Variants in SHISAL1 observed in about 807,000 individuals in gnomAD.
SHISAL1 encodes the protein shisa like 1.
In SHISAL1, 9 loss-of-function variants were observed where a neutral mutation model predicts 22.6. That is an observed-to-expected ratio of 0.40 (90% CI 0.24 to 0.70). The LOEUF (loss-of-function observed/expected upper bound fraction) is 0.70, where lower values mean the gene tolerates loss of function less well. Ranked by LOEUF, SHISAL1 falls within the 30% of genes least tolerant of loss-of-function variation. The probability of loss-of-function intolerance (pLI) is 0.39; values close to 1 mark genes in which losing one functional copy is unlikely to be tolerated. For synonymous variants in SHISAL1, 119 were observed against 115.4 expected, an observed-to-expected ratio of 1.03 and a Z score of -0.20; for missense variants, 246 against 270.6, an observed-to-expected ratio of 0.91 and a Z score of 0.64.
intron 4 of SHISAL1, among the ~76,000 whole-genome samples, chr22:44,279,912 C>T (rs1188752458): frequency 6.6e-6 from 1 of 152,264 alleles, no homozygotes; most frequent in Admixed American, 6.5e-5. Context: ...GCAAACCCAA[C>T]AAGACCCAGG....
intron 4 of SHISAL1, among the ~76,000 whole-genome samples, chr22:44,271,924 G>C (rs773582617): frequency 6.6e-6 from 1 of 152,250 alleles, no homozygotes. Flanking sequence ...GGCCTTTGTG[G>C]AAGTGTCCTT....
At chr22:44,309,963 C>T (rs2055506513) in intron 1 of SHISAL1, among the ~76,000 whole-genome samples, 1 of 152,214 alleles carries the variant, frequency 6.6e-6, no homozygotes, top group African/African-American at 2.4e-5. Context: ...CAGGAGAGAA[C>T]TAGGACATCT....
chr22:44,316,956 G>C (rs1331923765), upstream of SHISAL1, among the ~76,000 whole-genome samples: 1 of 152,232 alleles, frequency 6.6e-6, no homozygotes, highest in Non-Finnish European at 1.5e-5. Context: ...GTTTCAACCA[G>C]AGACTTGTCA....
chr22:44,298,857 G>A (rs2055406171), intron 2 of SHISAL1, among the ~76,000 whole-genome samples: 1 of 152,218 alleles, frequency 6.6e-6, no homozygotes, highest in South Asian at 2.1e-4. Flanking sequence ...CCACTGGGCG[G>A]TCAGCGCCAT....
the SHISAL1 span, among the ~76,000 whole-genome samples, chr22:44,322,738 T>G: frequency 6.6e-6 from 1 of 152,122 alleles, no homozygotes; most frequent in African/African-American, 2.4e-5. Context: ...GCCCCCAGAC[T>G]TGGGCCACCA....
intron 4 of SHISAL1, among the ~76,000 whole-genome samples, chr22:44,259,790 C>T (rs1022547424): frequency 1.3e-5 from 2 of 152,182 alleles, no homozygotes; most frequent in African/African-American, 4.8e-5. Flanking sequence ...GGCTTGCAAT[C>T]GAGCGTCCAA....
intron 3 of SHISAL1, among the ~76,000 whole-genome samples, chr22:44,287,345 C>G (rs376056502): frequency 1.3e-5 from 2 of 152,220 alleles, no homozygotes; most frequent in Non-Finnish European, 2.9e-5. Context: ...AGCTCGCTTT[C>G]GCTCTCTGCC....
intron 1 of SHISAL1, among the ~76,000 whole-genome samples, chr22:44,311,767 G>A (rs1284741283): frequency 6.6e-6 from 1 of 152,216 alleles, no homozygotes; most frequent in Non-Finnish European, 1.5e-5. Context: ...CAGGGCGAGG[G>A]GCTCAGGCCA....
chr22:44,323,201 T>C, the SHISAL1 span, among the ~76,000 whole-genome samples: 1 of 127,988 alleles, frequency 7.8e-6, no homozygotes, highest in East Asian at 2.8e-4. Context: ...CCATCCACCA[T>C]CCATCTGTCC....
the SHISAL1 span, among the ~76,000 whole-genome samples, chr22:44,331,086 G>A: frequency 6.6e-6 from 1 of 151,954 alleles, no homozygotes; most frequent in Non-Finnish European, 1.5e-5. This position sits in a 1 kb window ranked among gnomAD's most constrained non-coding sequence, Gnocchi z 5.2. Flanking sequence ...TTCCGGTCCC[G>A]GCCGCCGCGT....
intron 3 of SHISAL1, among the ~76,000 whole-genome samples, chr22:44,290,964 G>A (rs774325651): frequency 6.6e-6 from 1 of 152,220 alleles, no homozygotes; most frequent in African/African-American, 2.4e-5. Context: ...TGGTGAAGCA[G>A]AGTCTATTAC....
In SHISAL1 at chr22:44,248,082, G is replaced by C; in HGVS notation, c.*1603C>G. 6.6e-6 allele frequency: 1 copy of C among 152,382 alleles called. No individual in the cohort carries two copies. The highest frequency in any genetic ancestry group is 1.5e-5 in the Non-Finnish European group (1 of 68,086). The allele number at this position is 152,382 out of a possible 1,614,324, so 9.4% of individuals were successfully genotyped here. On this transcript the variant is annotated 3_prime_UTR_variant, in exon 5 of 5. Transcript: ENST00000381176. The stretch of plus-strand genomic sequence containing the variant: ...TTCCCAGACCACCCCAGGTCCACAA[G>C]GGTCTCACTCACGTGTCCCTCGAAC...
upstream of SHISAL1, among the ~76,000 whole-genome samples, chr22:44,313,892 C>T (rs1261592844): frequency 3.3e-5 from 5 of 152,284 alleles, no homozygotes; most frequent in African/African-American, 1.2e-4. Context: ...AGAGCGAGTT[C>T]AGACTGGTCT....
the SHISAL1 span, among the ~76,000 whole-genome samples, chr22:44,326,803 A>G: frequency 7.2e-5 from 11 of 152,192 alleles, no homozygotes; most frequent in South Asian, 2.3e-3. Context: ...TTTACATTTC[A>G]TCTCAGCTTC....
intron 3 of SHISAL1, among the ~76,000 whole-genome samples, chr22:44,294,994 AT>A (rs1373455562): frequency 6.6e-6 from 1 of 152,254 alleles, no homozygotes; most frequent in Non-Finnish European, 1.5e-5. Flanking sequence ...TAAAAAGTCA[AT>A]CCTTGGGTTA....
intron 1 of SHISAL1, among the ~76,000 whole-genome samples, chr22:44,302,339 C>CAAAAA (rs35335428): frequency 4.1e-5 from 4 of 98,018 alleles, no homozygotes; most frequent in Non-Finnish European, 8.0e-5. Context: ...GACTCCGTCT[C>CAAAAA]AAAAAAAAAA....
At chr22:44,305,111 C>T (rs1046378748) in intron 1 of SHISAL1, among the ~76,000 whole-genome samples, 1 of 152,230 alleles carries the variant, frequency 6.6e-6, no homozygotes, top group Non-Finnish European at 1.5e-5. Flanking sequence ...ACTACCTCCT[C>T]CAGGAAGCCT....
chr22:44,273,187 C>T (rs2055216719), intron 4 of SHISAL1, among the ~76,000 whole-genome samples: 1 of 152,140 alleles, frequency 6.6e-6, no homozygotes, highest in Non-Finnish European at 1.5e-5. Flanking sequence ...GGTAAATATA[C>T]TAGCATTTGG....
At chr22:44,312,145 G>A (rs1187909968) in intron 1 of SHISAL1, among the ~76,000 whole-genome samples, 2 of 152,168 alleles carry the variant, frequency 1.3e-5, no homozygotes, top group Non-Finnish European at 2.9e-5. Flanking sequence ...ATCTGTAAAT[G>A]GGGACAACAA....
Sources: allele counts gnomAD v4.1 joint callset (sites outside exome capture counted in the v4.1 genomes callset), GRCh38; gene constraint gnomAD v4.1.1; non-coding constraint Gnocchi (gnomAD v3.1); transcripts MANE v1.5; gene names NCBI Gene and HGNC (gene_info 2026-07-23, HGNC 2026-07-21).